Variants in B4GALT1 observed in about 807,000 individuals in gnomAD.
B4GALT1 encodes beta-1,4-galactosyltransferase 1.
In B4GALT1, 16 loss-of-function variants were observed where a neutral mutation model predicts 34.9. The ratio of observed to expected loss-of-function variants is 0.46; its 90% CI spans 0.31 to 0.70. The LOEUF is 0.70. Among genes scored for constraint, B4GALT1 ranks in the 30% least tolerant of loss-of-function variants. The pLI is 0.05. For synonymous variants in B4GALT1, 221 were observed against 218.1 expected (o/e 1.01, Z -0.12); for missense variants, 445 against 530.5 (o/e 0.84, Z 1.58).
intron 1 of B4GALT1, among the ~76,000 whole-genome samples, chr9:33,153,999 A>C: frequency 9.6e-6 from 1 of 104,116 alleles, no homozygotes; most frequent in Non-Finnish European, 1.8e-5. Flanking sequence ...AAGGGAGGGG[A>C]GGGGAGAGAG....
At chr9:33,157,063 T>TACAC (rs371027641) in intron 1 of B4GALT1, among the ~76,000 whole-genome samples, 1,660 of 87,266 alleles carry the variant, frequency 0.019, 128 homozygotes, top group African/African-American at 0.06. Flanking sequence ...CATAGGGAAC[T>TACAC]ACACACACAC....
At chr9:33,114,534 T>C (rs1839912048) in intron 4 of B4GALT1, among the ~76,000 whole-genome samples, 1 of 53,898 alleles carries the variant, frequency 1.9e-5, no homozygotes, top group African/African-American at 6.4e-5. Context: ...AAAATGCTTT[T>C]AGCCATGGGG....
At chr9:33,180,864 G>A in the B4GALT1 span, among the ~76,000 whole-genome samples, 1 of 152,164 alleles carries the variant, frequency 6.6e-6, no homozygotes, top group African/African-American at 2.4e-5. Context: ...TGCCTGTTGA[G>A]TGACAAGTAT....
At chr9:33,141,865 G>A (rs1401486509) in intron 1 of B4GALT1, among the ~76,000 whole-genome samples, 2 of 152,212 alleles carry the variant, frequency 1.3e-5, no homozygotes, top group Non-Finnish European at 2.9e-5. Flanking sequence ...AAGAAAACCT[G>A]ACAGAAGAGC....
rs1840766462 is a variant in B4GALT1, at chr9:33,166,916, G to A, written c.254C>T (p.Pro85Leu). ...CTGGGAGGAGGCGCCTAGAGGAGGC[G>A]GCGGCCGGGCCCCTCCGGTCCGGAG... Reference protein sequence around the residue: ...GELRTGGARPPPPLGASSQPR... With the variant: ...GELRTGGARPLPPLGASSQPR... The change falls in exon 1 of 6, where the codon CCG becomes CTG. Residue 85 changes from proline (P) to leucine (L), a missense_variant. By Grantham distance (98) the Pro-to-Leu change is moderately conservative. This residue lies in a region of B4GALT1 where 349 missense variants were observed against 395.5 expected (regional missense o/e 0.88). Coordinates refer to ENST00000379731, the MANE Select transcript of B4GALT1 (RefSeq NM_001497.4). The A allele has an allele frequency of 1.3e-6, 2 of 1,572,824 alleles. No individual in the cohort carries two copies. Among genetic ancestry groups the A allele is most frequent in the Non-Finnish European group, 8.6e-7 (1 of 1,166,478 alleles).
At chr9:33,147,263 TTC>T (rs1491366223) in intron 1 of B4GALT1, among the ~76,000 whole-genome samples, 20 of 123,248 alleles carry the variant, frequency 1.6e-4, no homozygotes, top group South Asian at 2.5e-4. Flanking sequence ...TTTTTTTTTT[TTC>T]CCCCTGAGAT....
rs370973345 is a variant in B4GALT1, at chr9:33,135,262, T to C, written c.575A>G (p.Lys192Arg). ...IPFRNRQEHL[K>R]YWLYYLHPVL... Reference sequence around the variant, plus strand: ...TGGGTGCAAATAATATAGCCAGTACTTGAGGTGCTCCTGCCGGTTGCGGAA... The same window carrying C: ...TGGGTGCAAATAATATAGCCAGTACCTGAGGTGCTCCTGCCGGTTGCGGAA... Residue 192 changes from lysine (K) to arginine (R), a missense_variant, in exon 2 of 6, where the codon AAG (lysine) becomes AGG (arginine). Transcript: ENST00000379731. 68 of 1,614,090 alleles carry C rather than the reference T, an allele frequency of 4.2e-5. No homozygotes were observed. Among genetic ancestry groups the C allele is most frequent in the Non-Finnish European group, 5.7e-5 (67 of 1,180,042 alleles).
chr9:33,116,161 T>G (rs774521170), intron 3 of B4GALT1, 48 bp from the exon 4 acceptor site: 1 of 1,601,404 alleles, frequency 6.2e-7, no homozygotes, highest in Admixed American at 1.7e-5. Flanking sequence ...AGTTAAGTTC[T>G]GACATCCCCA....
intron 1 of B4GALT1, among the ~76,000 whole-genome samples, chr9:33,139,439 A>C (rs2118180249): frequency 6.6e-6 from 1 of 152,192 alleles, no homozygotes; most frequent in Non-Finnish European, 1.5e-5. Flanking sequence ...CTTGACCCCC[A>C]ATCCTGCCCT....
intron 3 of B4GALT1, among the ~76,000 whole-genome samples, chr9:33,116,434 G>A (rs918600110): frequency 6.6e-6 from 1 of 151,478 alleles, no homozygotes; most frequent in Non-Finnish European, 1.5e-5. Flanking sequence ...ATGTTGGTCA[G>A]GATGGTCTTG....
chr9:33,113,330 G>C lies in B4GALT1; in HGVS notation c.*124C>G. 1 of 1,432,578 alleles carries C rather than the reference G, an allele frequency of 7.0e-7. No homozygotes were observed. Among genetic ancestry groups the C allele is most frequent in the Non-Finnish European group, 9.8e-7 (1 of 1,018,542 alleles). 88.7% of individuals were successfully genotyped at this position (1,432,578 alleles called of 1,614,324 possible). On this transcript the variant is annotated 3_prime_UTR_variant, in exon 6 of 6. Transcript: ENST00000379731. ...TGGTCATCTGGAAAGCCATCTGAAT[G>C]ATGAGCGAAGGGGACCTGTCACTCA...
rs10701535 is a variant in B4GALT1, at chr9:33,150,233, TAC to T, written c.413-14811_413-14810del. Among the ~76,000 whole-genome samples the T allele has an allele frequency of 9.3e-3, 1,283 of 138,136 alleles. 16 individuals carry two copies. Among genetic ancestry groups the T allele is most frequent in the East Asian group, 0.028 (134 of 4,748 alleles). The allele number at this position is 138,136 out of a possible 152,430, so 90.6% of individuals were successfully genotyped here. A position where few individuals can be genotyped will look rare whatever the true frequency, so the allele number is the denominator to read the frequency against. On this transcript the variant is annotated intron_variant, in intron 1 of 5. Transcript: ENST00000379731. ...TAATATCTATCTATCTACAGGTAGA[TAC>T]ACACACACACACACACACACACACA...
At chr9:33,175,573 A>T in the B4GALT1 span, among the ~76,000 whole-genome samples, 2 of 152,192 alleles carry the variant, frequency 1.3e-5, no homozygotes, top group Admixed American at 6.5e-5. Flanking sequence ...GGTCCATAAG[A>T]TTATAATAAA....
chr9:33,115,791 T>C lies in B4GALT1; in HGVS notation c.959+200A>G, dbSNP rs532356148. Reference sequence around the variant, plus strand: ...CCCATTTGACATTTTTCCAGGCCAATACAAAAATCTCAGAAACTCATTTTC... The same window carrying C: ...CCCATTTGACATTTTTCCAGGCCAACACAAAAATCTCAGAAACTCATTTTC... On this transcript the variant is annotated intron_variant, in intron 4 of 5. Transcript: ENST00000379731. Among the ~76,000 whole-genome samples the C allele has an allele frequency of 4.6e-5, 7 of 152,284 alleles. No individual in the cohort carries two copies. In the East Asian group the frequency reaches 1.3e-3, roughly 29 times the overall value.
At chr9:33,114,808 A>G (rs776680995) in intron 4 of B4GALT1, among the ~76,000 whole-genome samples, 5 of 152,206 alleles carry the variant, frequency 3.3e-5, no homozygotes, top group South Asian at 2.1e-4. Flanking sequence ...GGTGCATAGA[A>G]AGTGTTAGGT....
In B4GALT1 at chr9:33,166,843, G is replaced by A. The variant is rs773252971; in HGVS notation, c.327C>T (p.Gly109=). ...GGACCGAGGTCAAGTTGCTAGCGGGGCCAGGGCCAGAATCCACGACTGGGC... is the reference window on the plus strand; with the variant it reads ...GGACCGAGGTCAAGTTGCTAGCGGGACCAGGGCCAGAATCCACGACTGGGC... The part of the protein sequence containing the change: ...DSSPVVDSGP[G]PASNLTSVPV... The change falls in exon 1 of 6, where the codon GGC becomes GGT. Residue 109 remains glycine (G), a synonymous_variant. Coordinates refer to ENST00000379731, the MANE Select transcript of B4GALT1 (RefSeq NM_001497.4). 1.0e-5 allele frequency: 16 copies of A among 1,560,566 alleles called. No homozygotes were observed. In the South Asian group the frequency reaches 1.8e-4, roughly 17 times the overall value.
the B4GALT1 span, among the ~76,000 whole-genome samples, chr9:33,172,772 A>G: frequency 6.6e-6 from 1 of 152,044 alleles, no homozygotes. Flanking sequence ...ATAAAGATAA[A>G]AGAGGGACCT....
intron 1 of B4GALT1, among the ~76,000 whole-genome samples, chr9:33,158,731 C>A (rs930321506): frequency 1.3e-5 from 2 of 152,186 alleles, no homozygotes; most frequent in Non-Finnish European, 2.9e-5. Context: ...GCTCCCTGCA[C>A]CTCCTCAGTA....
At chr9:33,156,411 G>A (rs977630698) in intron 1 of B4GALT1, among the ~76,000 whole-genome samples, 3 of 152,164 alleles carry the variant, frequency 2.0e-5, no homozygotes, top group Non-Finnish European at 4.4e-5. Context: ...TGGGAATACG[G>A]GTGTGAGCCA....
Sources: gnomAD v4.1 joint callset for allele counts (sites outside exome capture counted in the v4.1 genomes callset) on GRCh38, gnomAD v4.1.1 for gene constraint, gnomAD v4.1.1 regional missense constraint, MANE v1.5 for transcripts, NCBI Gene and HGNC (gene_info 2026-07-23, HGNC 2026-07-21) for gene names.